RPH3A: variants seen among roughly 807,000 people sequenced by gnomAD.
RPH3A encodes rabphilin 3A, also known as rabphilin-3A.
RPH3A carries 48 observed loss-of-function variants against 102.2 expected under a neutral mutation model. The ratio of observed to expected loss-of-function variants is 0.47; its 90% CI spans 0.37 to 0.60. The LOEUF (loss-of-function observed/expected upper bound fraction) is 0.60. RPH3A is among the 20% of genes least tolerant of loss of function. The pLI is 0.00. For synonymous variants in RPH3A, 310 were observed against 324.3 expected, an observed-to-expected ratio of 0.96 and a Z score of 0.47; for missense variants, 781 against 910.1, an observed-to-expected ratio of 0.86 and a Z score of 1.83.
At chr12:112,782,549 C>T (rs2041017205) in intron 1 of RPH3A, among the ~76,000 whole-genome samples, 1 of 152,170 alleles carries the variant, frequency 6.6e-6, no homozygotes, top group Non-Finnish European at 1.5e-5. Context: ...AATCAGTCCT[C>T]AGCATATGCT....
rs533132160 is a variant in RPH3A at position 112,829,744 on chromosome 12, T to C, written c.71+1355T>C. Among the ~76,000 whole-genome samples, 21 of 152,364 alleles carry C rather than the reference T, an allele frequency of 1.4e-4. 1 individual carries two copies. The highest frequency in any genetic ancestry group is 4.1e-4 in the African/African-American group (17 of 41,590). ...AAACACTCATTTAACAAGAACTTTT[T>C]AAATCACAAATGGATGTAAGTGGAT... On this transcript the variant is annotated intron_variant, in intron 3 of 21. Transcript: ENST00000389385.
chr12:112,879,267 A>G (rs1433831577), intron 14 of RPH3A, 69 bp downstream of exon 14: 1 of 1,294,760 alleles, frequency 7.7e-7, no homozygotes, highest in Non-Finnish European at 1.1e-6. Flanking sequence ...TCAGATGGGG[A>G]TGGATGACCA....
At chr12:112,676,529 C>A (rs2040175686) in intron 1 of RPH3A, among the ~76,000 whole-genome samples, 1 of 152,200 alleles carries the variant, frequency 6.6e-6, no homozygotes, top group Admixed American at 6.5e-5. Context: ...GATTCTGGCC[C>A]CAGATAATAA....
chr12:112,896,959 G>GC lies in RPH3A; in HGVS notation c.*179_*180insC. On this transcript the variant is annotated 3_prime_UTR_variant, in exon 22 of 22. Coordinates refer to ENST00000389385, the MANE Select transcript of RPH3A (RefSeq NM_001143854.2). ...TGCTGCCAAAGACTCCCTCCTCCCT[G>GC]ATGCTGGGATGTGGGCTCTGAATAC... The GC allele has an allele frequency of 1.6e-6, 1 of 612,428 alleles. No individual in the cohort carries two copies. Among genetic ancestry groups the GC allele is most frequent in the Non-Finnish European group, 2.8e-6 (1 of 352,642 alleles). 37.9% of individuals were successfully genotyped at this position (612,428 alleles called of 1,614,324 possible). A position where few individuals can be genotyped will look rare whatever the true frequency, so the allele number is the denominator to read the frequency against.
rs951696994 is a variant in RPH3A at position 112,811,887 on chromosome 12, G to A, written c.-18-16414G>A. On this transcript the variant is annotated intron_variant, in intron 2 of 21. Transcript: ENST00000389385. ...ATGTAATTGAAGGGTCCCGCACATG[G>A]TGGAGGCATGACTGGATCCAGAGGC... 1.1e-4 allele frequency among the ~76,000 whole-genome samples: 16 copies of A among 152,118 alleles called. 1 individual carries two copies. The highest frequency in any genetic ancestry group is 9.2e-4 in the Admixed American group (14 of 15,264).
chr12:112,635,819 C>CTTA (rs1355266155), intron 1 of RPH3A, among the ~76,000 whole-genome samples: 2 of 150,630 alleles, frequency 1.3e-5, no homozygotes, highest in African/African-American at 2.5e-5. Context: ...CATAAGTTGA[C>CTTA]TTCTTCTTCT....
At chr12:112,754,424 T>C (rs1430624049) in intron 1 of RPH3A, among the ~76,000 whole-genome samples, 2 of 152,156 alleles carry the variant, frequency 1.3e-5, no homozygotes, top group African/African-American at 4.8e-5. Flanking sequence ...CCATAAAAGA[T>C]TGAAGACATA....
chr12:112,692,074 C>T (rs1321857588), intron 1 of RPH3A, among the ~76,000 whole-genome samples: 1 of 152,120 alleles, frequency 6.6e-6, no homozygotes, highest in Non-Finnish European at 1.5e-5. Context: ...AAGCCAGGAA[C>T]AGAAAGTTAA....
At chr12:112,765,222 G>T (rs1206565711) in intron 1 of RPH3A, among the ~76,000 whole-genome samples, 7 of 151,128 alleles carry the variant, frequency 4.6e-5, no homozygotes, top group Non-Finnish European at 1.0e-4. Context: ...TGGGGAGGAA[G>T]GTGCAATGTT....
chr12:112,583,222 A>G (rs985584913), intron 1 of RPH3A, among the ~76,000 whole-genome samples: 6 of 152,240 alleles, frequency 3.9e-5, no homozygotes, highest in African/African-American at 9.6e-5. Flanking sequence ...AACGACAATA[A>G]TAACAGCTAC....
At chr12:112,760,000 C>T (rs566015291) in intron 1 of RPH3A, among the ~76,000 whole-genome samples, 7 of 152,012 alleles carry the variant, frequency 4.6e-5, no homozygotes, top group Non-Finnish European at 1.5e-5. Context: ...ACCAGCCGGC[C>T]TGTCTGGGCA....
At chr12:112,765,405 T>G (rs1009332540) in intron 1 of RPH3A, among the ~76,000 whole-genome samples, 3 of 152,080 alleles carry the variant, frequency 2.0e-5, no homozygotes, top group African/African-American at 7.2e-5. Context: ...AAGGGTAGAT[T>G]TGGTTAAGTA....
chr12:112,674,267 A>C (rs2040156500), intron 1 of RPH3A, among the ~76,000 whole-genome samples: 2 of 152,210 alleles, frequency 1.3e-5, no homozygotes, highest in South Asian at 4.2e-4. Context: ...TGTGTTGCTC[A>C]GGCTGGCATT....
chr12:112,768,974 A>G (rs181116675), intron 1 of RPH3A, among the ~76,000 whole-genome samples: 1 of 152,170 alleles, frequency 6.6e-6, no homozygotes, highest in East Asian at 1.9e-4. Context: ...CACCCTATTC[A>G]CCTTCCCAGA....
chr12:112,598,674 T>A (rs2039535894), intron 1 of RPH3A, among the ~76,000 whole-genome samples: 1 of 151,888 alleles, frequency 6.6e-6, no homozygotes, highest in African/African-American at 2.4e-5. Context: ...ATGAGGGAGA[T>A]AATGCACACA....
At chr12:112,654,461 A>C (rs1376179078) in intron 1 of RPH3A, among the ~76,000 whole-genome samples, 2 of 151,322 alleles carry the variant, frequency 1.3e-5, no homozygotes, top group African/African-American at 2.4e-5. Flanking sequence ...TTAATTCCTC[A>C]GGAACCACCT....
chr12:112,792,502 T>A (rs944561139), intron 2 of RPH3A, among the ~76,000 whole-genome samples: 1 of 152,246 alleles, frequency 6.6e-6, no homozygotes, highest in African/African-American at 2.4e-5. Flanking sequence ...TTGTAGGCAA[T>A]GCGATCAAGA....
intron 1 of RPH3A, among the ~76,000 whole-genome samples, chr12:112,761,174 T>C (rs567990290): frequency 6.6e-6 from 1 of 152,320 alleles, no homozygotes; most frequent in Admixed American, 6.5e-5. Context: ...CTCTAAGTGA[T>C]TCTGATTCAC....
chr12:112,710,063 C>T (rs191827644), intron 1 of RPH3A, among the ~76,000 whole-genome samples: 2 of 152,198 alleles, frequency 1.3e-5, no homozygotes, highest in African/African-American at 2.4e-5. Flanking sequence ...CAAGCTCCGC[C>T]GCCCGGGTTC....
Sources: allele counts gnomAD v4.1 joint callset (sites outside exome capture counted in the v4.1 genomes callset), GRCh38; gene constraint gnomAD v4.1.1; transcripts MANE v1.5; gene names NCBI Gene and HGNC (gene_info 2026-07-23, HGNC 2026-07-21).